Variants in SCO1 observed in about 807,000 individuals in gnomAD.
SCO1 encodes synthesis of cytochrome C oxidase 1.
In SCO1, 23 loss-of-function variants were observed where a neutral mutation model predicts 34.0. The ratio of observed to expected loss-of-function variants is 0.68; its 90% CI spans 0.49 to 0.96. The LOEUF is 0.96. Ranked by LOEUF, SCO1 falls within the 40% of genes least tolerant of loss-of-function variation. The pLI, the probability that SCO1 is intolerant of heterozygous loss-of-function variation, is 0.00. For missense variants in SCO1, 404 were observed against 381.6 expected, an observed-to-expected ratio of 1.06 and a Z score of -0.49; for synonymous variants, 161 against 145.5, an observed-to-expected ratio of 1.11 and a Z score of -0.77.
intron 4 of SCO1, among the ~76,000 whole-genome samples, chr17:10,688,023 T>C (rs2074667404): frequency 6.6e-6 from 1 of 152,202 alleles, no homozygotes; most frequent in African/African-American, 2.4e-5. Context: ...ACTGTAGATA[T>C]AAATTATGCT....
At position 10,694,350 on chromosome 17, in the gene SCO1, T is replaced by A. The variant is rs140951275; in HGVS notation, c.365-1389A>T. 1.1e-3 allele frequency among the ~76,000 whole-genome samples: 171 copies of A among 152,310 alleles called. 1 individual carries two copies. In the East Asian group the frequency reaches 0.025, roughly 22 times the overall value. ...CAAGGTGGTATGGTTCTGAAACAGA[T>A]CCTTTTGCTCTGAAAGACATCAAGT... is the stretch of plus-strand genomic sequence containing the variant. On this transcript the variant is annotated intron_variant, in intron 2 of 5. Transcript: ENST00000255390.
chr17:10,676,710 T>C lies in SCO1; in HGVS notation c.*4409A>G, dbSNP rs1174866232. ...ACATTAGCATCCTCATGTTGAAGAT[T>C]GAAAGGAAATACCTCCAAGTATTAT... On this transcript the variant is annotated 3_prime_UTR_variant, in exon 6 of 6. Transcript: ENST00000255390. The C allele has an allele frequency of 6.6e-6, 1 of 152,196 alleles. No individual in the cohort carries two copies. Among genetic ancestry groups the C allele is most frequent in the East Asian group, 1.9e-4 (1 of 5,200 alleles). 9.4% of individuals were successfully genotyped at this position (152,196 alleles called of 1,614,324 possible).
At chr17:10,688,152 G>T (rs2074668454) in intron 4 of SCO1, among the ~76,000 whole-genome samples, 1 of 152,180 alleles carries the variant, frequency 6.6e-6, no homozygotes, top group African/African-American at 2.4e-5. Flanking sequence ...AGGACAAACT[G>T]ATAAATTTGG....
intron 5 of SCO1, among the ~76,000 whole-genome samples, chr17:10,683,180 C>T (rs2074633021): frequency 1.3e-5 from 2 of 152,234 alleles, no homozygotes; most frequent in East Asian, 3.9e-4. Context: ...TGTATCCTTC[C>T]GAAGAAATTC....
At chr17:10,684,668 T>G (rs913080213) in intron 5 of SCO1, among the ~76,000 whole-genome samples, 2 of 152,146 alleles carry the variant, frequency 1.3e-5, no homozygotes, top group African/African-American at 2.4e-5. Context: ...AGTTTAGGAC[T>G]GTATACATTT....
rs2074575150 is a variant in SCO1, at chr17:10,675,506, A to C, written c.*5613T>G. 1 of 152,288 alleles carries C rather than the reference A, an allele frequency of 6.6e-6. No individual in the cohort carries two copies. Among genetic ancestry groups the C allele is most frequent in the African/African-American group, 2.4e-5 (1 of 41,548 alleles). The allele number at this position is 152,288 out of a possible 1,614,324, so 9.4% of individuals were successfully genotyped here. On this transcript the variant is annotated 3_prime_UTR_variant, in exon 6 of 6. Coordinates refer to ENST00000255390, the MANE Select transcript of SCO1 (RefSeq NM_004589.4). ...GCAAACAGTAAAAGGCATAAATCTT[A>C]AGTTCAAAGTTTAATATGTTTTTAT...
In SCO1 at chr17:10,680,916, T is replaced by C; in HGVS notation, c.*203A>G. The C allele has an allele frequency of 1.6e-6, 1 of 633,026 alleles. No individual in the cohort carries two copies. The highest frequency in any genetic ancestry group is 2.7e-6 in the Non-Finnish European group (1 of 363,752). 39.2% of individuals were successfully genotyped at this position (633,026 alleles called of 1,614,324 possible). On this transcript the variant is annotated 3_prime_UTR_variant, in exon 6 of 6. Transcript: ENST00000255390. ...TCTCCCCACAGCTTCCTGGGAGACT[T>C]TGGGTTGTAATCTTTACAGTTCCAA...
chr17:10,686,165 C>T (rs1391790999), intron 5 of SCO1, among the ~76,000 whole-genome samples: 1 of 152,192 alleles, frequency 6.6e-6, no homozygotes, highest in East Asian at 1.9e-4. Context: ...TTGCTTGAAT[C>T]CGGGAGGCGG....
At chr17:10,682,270 A>G (rs997999795) in intron 5 of SCO1, among the ~76,000 whole-genome samples, 2 of 152,204 alleles carry the variant, frequency 1.3e-5, no homozygotes, top group East Asian at 1.9e-4. Context: ...AGCACGCACT[A>G]TATGTCTGTG....
rs775176412 is a variant in SCO1 at position 10,681,144 on chromosome 17, A to T, written c.881T>A (p.Met294Lys). 56 of 1,614,058 alleles carry T rather than the reference A, an allele frequency of 3.5e-5. No homozygotes were observed. Among genetic ancestry groups the T allele is most frequent in the Non-Finnish European group, 4.6e-5 (54 of 1,180,044 alleles). Residue 294 changes from methionine (M) to lysine (K), a missense_variant, in exon 6 of 6, where the codon ATG (methionine) becomes AAG (lysine). Met to Lys is a moderately conservative substitution (Grantham distance 95). Coordinates refer to ENST00000255390, the MANE Select transcript of SCO1 (RefSeq NM_004589.4). ...CTAGCTCTTTTTTCTGTATGGCCTC[A>T]TGTGTGTGGCAATTGAAGCAGCTAT... ...GEIAASIATH[M>K]RPYRKKS
rs1200494741 is a variant in SCO1, at chr17:10,675,881, C to G, written c.*5238G>C. The G allele has an allele frequency of 6.6e-6, 1 of 152,088 alleles. No individual in the cohort carries two copies. Among genetic ancestry groups the G allele is most frequent in the Non-Finnish European group, 1.5e-5 (1 of 68,032 alleles). 9.4% of individuals were successfully genotyped at this position (152,088 alleles called of 1,614,324 possible). On this transcript the variant is annotated 3_prime_UTR_variant, in exon 6 of 6. Coordinates refer to ENST00000255390, the MANE Select transcript of SCO1 (RefSeq NM_004589.4). ...TCCCTAGGGTTGTGTCTTCCTTGAA[C>G]TGGGTGCAAACATGGACAAAGTCAC...
At chr17:10,684,793 G>GA (rs2074644903) in intron 5 of SCO1, among the ~76,000 whole-genome samples, 1 of 152,228 alleles carries the variant, frequency 6.6e-6, no homozygotes, top group Admixed American at 6.5e-5. Context: ...TATAAAGACA[G>GA]AAGTCCGGAA....
chr17:10,681,173 T>C lies in SCO1; in HGVS notation c.852A>G (p.Gly284=), dbSNP rs1413122097. Residue 284 remains glycine (G), a synonymous_variant, in exon 6 of 6, where the codon GGA becomes GGG. Transcript: ENST00000255390. ...GTGTGGCAATTGAAGCAGCTATTTC[T>C]CCCTTCCTCTTGTTCTGGCCAAAAT... ...LDYFGQNKRK[G]EIAASIATHM... The C allele has an allele frequency of 1.2e-6, 2 of 1,614,222 alleles. No homozygotes were observed. The highest frequency in any genetic ancestry group is 1.7e-6 in the Non-Finnish European group (2 of 1,180,036).
Position 10,674,712 on chromosome 17 carries a change from A to G in SCO1, c.*6407T>C, listed in dbSNP as rs2074569486. The G allele has an allele frequency of 6.6e-6, 1 of 152,538 alleles. No individual in the cohort carries two copies. The highest frequency in any genetic ancestry group is 2.1e-4 in the South Asian group (1 of 4,866). The allele number at this position is 152,538 out of a possible 1,614,324, so 9.4% of individuals were successfully genotyped here. On this transcript the variant is annotated 3_prime_UTR_variant, in exon 6 of 6. Coordinates refer to ENST00000255390, the MANE Select transcript of SCO1 (RefSeq NM_004589.4). Reference sequence around the variant, plus strand: ...GAAACCACCTCAAGGTCCTCACGAAACCTTGGTGGCCAAGGCCCTTGGTAT... The same window carrying G: ...GAAACCACCTCAAGGTCCTCACGAAGCCTTGGTGGCCAAGGCCCTTGGTAT...
chr17:10,689,115 CAAAAAAAAA>C (rs556558488), intron 4 of SCO1, among the ~76,000 whole-genome samples: 1 of 67,924 alleles, frequency 1.5e-5, no homozygotes, highest in Non-Finnish European at 2.5e-5. Context: ...GACTCCGTCT[CAAAAAAAAA>C]AAAAAAAAAA....
chr17:10,683,340 G>A (rs1304119404), intron 5 of SCO1, among the ~76,000 whole-genome samples: 1 of 152,086 alleles, frequency 6.6e-6, no homozygotes, highest in African/African-American at 2.4e-5. Context: ...AATGGTTACT[G>A]GATTTTCAGT....
At chr17:10,684,808 C>A (rs938824901) in intron 5 of SCO1, among the ~76,000 whole-genome samples, 1 of 152,220 alleles carries the variant, frequency 6.6e-6, no homozygotes, top group African/African-American at 2.4e-5. Context: ...CCGGAAAGTC[C>A]TTTTCCTATG....
chr17:10,688,985 G>A lies in SCO1; in HGVS notation c.656-2143C>T, dbSNP rs575167004. ...CAAAAAATTAGCCGGGCGTGGTAGC[G>A]GGCGCCTGTAGTCCCAGCTACTTGG... On this transcript the variant is annotated intron_variant, in intron 4 of 5. Coordinates refer to ENST00000255390, the MANE Select transcript of SCO1 (RefSeq NM_004589.4). Among the ~76,000 whole-genome samples, 6 of 148,188 alleles carry A rather than the reference G, an allele frequency of 4.0e-5. No homozygotes were observed. In the East Asian group the frequency reaches 9.8e-4, roughly 24 times the overall value.
intron 1 of SCO1, 138 bp downstream of exon 1, chr17:10,697,097 A>G: frequency 1.2e-6 from 1 of 802,340 alleles, no homozygotes; most frequent in Non-Finnish European, 1.9e-6. Flanking sequence ...AAATTCCATG[A>G]CCCAGGTAAG....
Sources: allele counts gnomAD v4.1 joint callset (sites outside exome capture counted in the v4.1 genomes callset), GRCh38; gene constraint gnomAD v4.1.1; transcripts MANE v1.5; gene names NCBI Gene and HGNC (gene_info 2026-07-23, HGNC 2026-07-21).